USH2A: variants seen among roughly 807,000 people sequenced by gnomAD.
USH2A encodes Usher syndrome 2A (autosomal recessive, mild).
Under a neutral mutation model 538.9 loss-of-function variants are expected in USH2A, and 443 were observed. That is an observed-to-expected ratio of 0.82 (90% CI 0.76 to 0.89). The LOEUF is 0.89. Ranked by LOEUF, USH2A falls within the 40% of genes least tolerant of loss-of-function variation. The pLI, the probability that USH2A is intolerant of heterozygous loss-of-function variation, is 0.00. For synonymous variants in USH2A, 2,413 were observed against 2,273.5 expected, an observed-to-expected ratio of 1.06 and a Z score of -1.75; for missense variants, 6,633 against 6,324.8, an observed-to-expected ratio of 1.05 and a Z score of -1.65.
chr1:215,858,754 T>C (rs1558130990), intron 44 of USH2A, among the ~76,000 whole-genome samples: 1 of 152,084 alleles, frequency 6.6e-6, no homozygotes. Flanking sequence ...AATTTTATCT[T>C]AGCTGGAGCA....
intron 4 of USH2A, among the ~76,000 whole-genome samples, chr1:216,352,373 C>T (rs1199938105): frequency 4.6e-5 from 7 of 152,004 alleles, no homozygotes; most frequent in African/African-American, 9.6e-5. Flanking sequence ...GAGGAAGGAG[C>T]GATCAACTCC....
intron 49 of USH2A, among the ~76,000 whole-genome samples, chr1:215,803,534 T>A (rs1173835116): frequency 6.6e-6 from 1 of 152,156 alleles, no homozygotes; most frequent in Non-Finnish European, 1.5e-5. Flanking sequence ...CCATTCACAA[T>A]TGCTTCAAAG....
chr1:216,193,684 C>G (rs1252649494), intron 19 of USH2A, among the ~76,000 whole-genome samples: 4 of 151,974 alleles, frequency 2.6e-5, no homozygotes, highest in African/African-American at 7.2e-5. Flanking sequence ...CAGAGTAGGA[C>G]TTGTGAAGAC....
At position 216,061,895 on chromosome 1, in the gene USH2A, G is replaced by C. The variant is rs370313639; in HGVS notation, c.6049+8206C>G. On this transcript the variant is annotated intron_variant, in intron 30 of 71. Coordinates refer to ENST00000307340, the MANE Select transcript of USH2A (RefSeq NM_206933.4). ...TGGGAAGAAAGAAGCTGAAACTGTA[G>C]GGTGGCTGCGCGGCTAATGCAAACT... Among the ~76,000 whole-genome samples the C allele has an allele frequency of 3.9e-5, 6 of 152,178 alleles. No individual in the cohort carries two copies. In the East Asian group the frequency reaches 7.7e-4, roughly 20 times the overall value.
intron 35 of USH2A, among the ~76,000 whole-genome samples, chr1:215,990,636 T>C (rs1352939231): frequency 1.3e-5 from 2 of 152,120 alleles, no homozygotes; most frequent in Non-Finnish European, 2.9e-5. Flanking sequence ...GAAAGTTTAC[T>C]TTAAACTTAA....
At chr1:215,681,164 C>T (rs769748889) in intron 61 of USH2A, among the ~76,000 whole-genome samples, 1 of 152,058 alleles carries the variant, frequency 6.6e-6, no homozygotes, top group Non-Finnish European at 1.5e-5. Flanking sequence ...GCTTGGAGAG[C>T]AGCATTAACA....
At chr1:215,658,392 T>C (rs1356369038) in intron 64 of USH2A, among the ~76,000 whole-genome samples, 1 of 152,124 alleles carries the variant, frequency 6.6e-6, no homozygotes, top group African/African-American at 2.4e-5. Flanking sequence ...TATGTACTAA[T>C]TTTGCATTTT....
intron 37 of USH2A, among the ~76,000 whole-genome samples, chr1:215,953,399 A>G (rs1666979160): frequency 1.3e-5 from 2 of 152,210 alleles, no homozygotes; most frequent in South Asian, 2.1e-4. Context: ...GAGCCCTCAG[A>G]AATAATGCTG....
intron 32 of USH2A, among the ~76,000 whole-genome samples, chr1:216,012,608 G>C (rs1366689659): frequency 6.6e-5 from 10 of 152,032 alleles, no homozygotes; most frequent in African/African-American, 2.4e-4. Flanking sequence ...AGTTTTTCAG[G>C]CTCTTAGTAT....
chr1:216,234,734 T>A (rs2035772307), intron 13 of USH2A, among the ~76,000 whole-genome samples: 1 of 151,892 alleles, frequency 6.6e-6, no homozygotes, highest in South Asian at 2.1e-4. Flanking sequence ...TTTGGAAAAA[T>A]TAAGGGTGAT....
At chr1:215,931,920 C>T (rs1007298212) in intron 38 of USH2A, among the ~76,000 whole-genome samples, 4 of 151,844 alleles carry the variant, frequency 2.6e-5, no homozygotes, top group African/African-American at 9.7e-5. Context: ...TTCTGATAGA[C>T]CAATTTCTAG....
chr1:216,064,118 C>G (rs1044804894), intron 30 of USH2A, among the ~76,000 whole-genome samples: 3 of 152,232 alleles, frequency 2.0e-5, no homozygotes, highest in African/African-American at 7.2e-5. Flanking sequence ...GCTTGCTGAG[C>G]CCTGTCATAC....
At chr1:216,238,010 T>C (rs971481619) in intron 13 of USH2A, among the ~76,000 whole-genome samples, 6 of 152,196 alleles carry the variant, frequency 3.9e-5, no homozygotes, top group Admixed American at 1.3e-4. Flanking sequence ...CTTTGATGCA[T>C]TGATTTTTAA....
chr1:215,951,368 G>C (rs1425195616), intron 37 of USH2A, among the ~76,000 whole-genome samples: 1 of 152,204 alleles, frequency 6.6e-6, no homozygotes, highest in African/African-American at 2.4e-5. Flanking sequence ...GCGGTTTTGA[G>C]TGAGTTTCTT....
intron 11 of USH2A, among the ~76,000 whole-genome samples, chr1:216,264,944 A>G (rs2036443683): frequency 6.6e-6 from 1 of 152,022 alleles, no homozygotes; most frequent in Non-Finnish European, 1.5e-5. Context: ...TCAACGTAAG[A>G]CCCAAAACTA....
At chr1:215,644,805 T>G (rs1395730867) in intron 67 of USH2A, among the ~76,000 whole-genome samples, 2 of 152,210 alleles carry the variant, frequency 1.3e-5, no homozygotes, top group African/African-American at 2.4e-5. Flanking sequence ...GGGCAAAGCA[T>G]CTGCAGACCG....
At chr1:215,651,483 G>A (rs550694471) in intron 64 of USH2A, among the ~76,000 whole-genome samples, 118 of 152,286 alleles carry the variant, frequency 7.7e-4, no homozygotes, top group African/African-American at 2.6e-3. Flanking sequence ...CTGTCTGCGT[G>A]TTTAGGAGTA....
chr1:216,216,406 G>T (rs1369821585), intron 15 of USH2A, among the ~76,000 whole-genome samples: 2 of 152,022 alleles, frequency 1.3e-5, no homozygotes. Context: ...AGTTGTTGTG[G>T]AGTCCAATAT....
intron 21 of USH2A, among the ~76,000 whole-genome samples, chr1:216,161,284 C>G (rs908324234): frequency 6.6e-6 from 1 of 152,160 alleles, no homozygotes; most frequent in Middle Eastern, 3.4e-3. Context: ...CACCCTCAAA[C>G]TCCTTTATCA....
Sources: allele counts gnomAD v4.1 joint callset (sites outside exome capture counted in the v4.1 genomes callset), GRCh38; gene constraint gnomAD v4.1.1; transcripts MANE v1.5; gene names NCBI Gene and HGNC (gene_info 2026-07-23, HGNC 2026-07-21).